The following CPM variants were observed in gnomAD, a reference collection of about 807,000 sequenced individuals.
CPM encodes the protein renal carboxypeptidase.
Under a neutral mutation model 46.4 loss-of-function variants are expected in CPM, and 35 were observed. The ratio of observed to expected loss-of-function variants is 0.75; its 90% CI spans 0.58 to 1.00. CPM has a LOEUF of 1.00. Among genes scored for constraint, CPM ranks in the 50% least tolerant of loss-of-function variants. The pLI is 0.00. For missense variants in CPM, 422 were observed against 530.4 expected (o/e 0.80, Z 2.01); for synonymous variants, 195 against 195.3 (o/e 1.00, Z 0.01).
intron 3 of CPM, among the ~76,000 whole-genome samples, chr12:68,884,163 C>T (rs1022238642): frequency 3.3e-5 from 5 of 149,268 alleles, no homozygotes; most frequent in African/African-American, 7.4e-5. Context: ...CAAGGGACCT[C>T]GATCAATAGA....
intron 1 of CPM, among the ~76,000 whole-genome samples, chr12:68,954,601 A>T (rs1367123025): frequency 6.6e-6 from 1 of 151,760 alleles, no homozygotes; most frequent in Non-Finnish European, 1.5e-5. Context: ...TTTAACTCCC[A>T]TCTATGTGCC....
intron 6 of CPM, among the ~76,000 whole-genome samples, chr12:68,867,835 G>T (rs1885522009): frequency 1.3e-5 from 2 of 152,160 alleles, no homozygotes; most frequent in Non-Finnish European, 2.9e-5. Flanking sequence ...ACTTTCAAAG[G>T]GTTTGTTTTA....
At chr12:68,918,149 T>C (rs1887885898) in intron 2 of CPM, among the ~76,000 whole-genome samples, 2 of 152,328 alleles carry the variant, frequency 1.3e-5, no homozygotes, top group South Asian at 2.1e-4. Context: ...TTTTGACATC[T>C]GTGACATCAC....
At chr12:68,948,052 G>A (rs1208416340) in intron 1 of CPM, among the ~76,000 whole-genome samples, 2 of 152,096 alleles carry the variant, frequency 1.3e-5, no homozygotes, top group Non-Finnish European at 2.9e-5. Flanking sequence ...GCCAAGATAG[G>A]CTTTTATCTA....
chr12:68,857,669 G>T (rs1164064803), intron 8 of CPM, among the ~76,000 whole-genome samples: 1 of 152,056 alleles, frequency 6.6e-6, no homozygotes, highest in East Asian at 1.9e-4. Context: ...CCACTCATTG[G>T]TATGTATTTT....
chr12:68,936,434 A>T (rs1888673431), upstream of CPM, among the ~76,000 whole-genome samples: 1 of 152,068 alleles, frequency 6.6e-6, no homozygotes, highest in South Asian at 2.1e-4. Context: ...CCCAGGCTGG[A>T]GTGCAGTGGC....
At position 68,854,490 on chromosome 12, in the gene CPM, C is replaced by A. The variant is rs1884871543; in HGVS notation, c.*1947G>T. Reference sequence around the variant, plus strand: ...GGAGCAAAGAGAAAGGGTCCCTAACCCCAGACTGCCTGCGAAGAGGTGAAA... The same window carrying A: ...GGAGCAAAGAGAAAGGGTCCCTAACACCAGACTGCCTGCGAAGAGGTGAAA... On this transcript the variant is annotated 3_prime_UTR_variant, in exon 9 of 9. Coordinates refer to ENST00000551568, the MANE Select transcript of CPM (RefSeq NM_198320.5). 2 of 152,138 alleles carry A rather than the reference C, an allele frequency of 1.3e-5. No homozygotes were observed. Among genetic ancestry groups the A allele is most frequent in the African/African-American group, 2.4e-5 (1 of 41,404 alleles). 9.4% of individuals were successfully genotyped at this position (152,138 alleles called of 1,614,324 possible).
At chr12:68,905,156 C>T (rs1194817340) in intron 2 of CPM, among the ~76,000 whole-genome samples, 4 of 152,042 alleles carry the variant, frequency 2.6e-5, no homozygotes, top group South Asian at 4.1e-4. Flanking sequence ...GTGATCCACC[C>T]GCCTCAGCCT....
chr12:68,934,827 C>T (rs1417292084), upstream of CPM, among the ~76,000 whole-genome samples: 1 of 152,070 alleles, frequency 6.6e-6, no homozygotes, highest in Admixed American at 6.5e-5. Context: ...CTGTGCGAAG[C>T]GTTTATTACA....
At chr12:68,898,532 G>A (rs1355178411) in intron 2 of CPM, among the ~76,000 whole-genome samples, 1 of 152,152 alleles carries the variant, frequency 6.6e-6, no homozygotes, top group Non-Finnish European at 1.5e-5. Context: ...ACATTTGGTG[G>A]ATTAACAAAG....
rs73338440 is a variant in CPM, at chr12:68,888,415, C to T, written c.161-2526G>A. Among the ~76,000 whole-genome samples, 1,501 of 152,256 alleles carry T rather than the reference C, an allele frequency of 9.9e-3. 24 individuals are homozygous for T. Among genetic ancestry groups the T allele is most frequent in the African/African-American group, 0.034 (1,412 of 41,552 alleles). On this transcript the variant is annotated intron_variant, in intron 2 of 8. Coordinates refer to ENST00000551568, the MANE Select transcript of CPM (RefSeq NM_198320.5). Reference sequence around the variant, plus strand: ...AGATAAGAATCTTACCTTGAACAACCTCAGTGACACAGTCTGAGAATGAAA... The same window carrying T: ...AGATAAGAATCTTACCTTGAACAACTTCAGTGACACAGTCTGAGAATGAAA...
chr12:68,856,395 C>A lies in CPM; in HGVS notation c.*42G>T. The A allele has an allele frequency of 6.3e-7, 1 of 1,590,960 alleles. No individual in the cohort carries two copies. Among genetic ancestry groups the A allele is most frequent in the South Asian group, 1.2e-5 (1 of 85,904 alleles). Reference sequence around the variant, plus strand: ...TGCAGTAACCTGGAGTGAGCAATCCCTGATTCCAGGTGGTGATGTGGGTTG... The same window carrying A: ...TGCAGTAACCTGGAGTGAGCAATCCATGATTCCAGGTGGTGATGTGGGTTG... On this transcript the variant is annotated 3_prime_UTR_variant, in exon 9 of 9. Coordinates refer to ENST00000551568, the MANE Select transcript of CPM (RefSeq NM_198320.5).
At chr12:68,896,195 GC>G (rs770130381) in intron 2 of CPM, among the ~76,000 whole-genome samples, 6 of 152,064 alleles carry the variant, frequency 3.9e-5, no homozygotes, top group Non-Finnish European at 5.9e-5. Context: ...CCCCATCAAA[GC>G]GGCCAACCTC....
At chr12:68,928,053 G>A (rs1478317996) in intron 2 of CPM, among the ~76,000 whole-genome samples, 11 of 152,282 alleles carry the variant, frequency 7.2e-5, no homozygotes, top group South Asian at 2.1e-4. Context: ...AAAAGAGCCC[G>A]CATTGCCAAG....
At chr12:68,917,635 C>T (rs537303656) in intron 2 of CPM, among the ~76,000 whole-genome samples, 81 of 152,348 alleles carry the variant, frequency 5.3e-4, no homozygotes, top group African/African-American at 1.9e-3. Context: ...GAGCACTAAA[C>T]TCCCTGAAAT....
chr12:68,866,922 A>C lies in CPM; in HGVS notation c.914T>G (p.Ile305Ser). ...TAGGTGCACCTGCTTTATATATTCA[A>C]TTAATGAGGCTTTGTTATTATTCCA... ...SFWNNNKASL[I>S]EYIKQVHLGV... The change falls in exon 7 of 9, where the codon ATT (isoleucine) becomes AGT (serine). Residue 305 changes from isoleucine (I) to serine (S), a missense_variant. By Grantham distance (142) the Ile-to-Ser change is moderately radical (BLOSUM62 -2). Transcript: ENST00000551568. The C allele has an allele frequency of 1.9e-6, 3 of 1,613,932 alleles. No homozygotes were observed. The South Asian group carries it at 3.3e-5, about 18-fold the overall frequency.
Position 68,961,650 on chromosome 12 carries a change from G to A in CPM, c.-4+1519C>T, listed in dbSNP as rs562928601. Among the ~76,000 whole-genome samples, 37 of 151,954 alleles carry A rather than the reference G, an allele frequency of 2.4e-4. 1 individual carries two copies. The highest frequency in any genetic ancestry group is 7.7e-4 in the African/African-American group (32 of 41,434). On this transcript the variant is annotated intron_variant, in intron 1 of 8. Transcript: ENST00000546373. ...TTGAATGAGCCAGGCATGGTGGCTC[G>A]CACTTGTAATCCCAGCACTTTGGGA...
At chr12:68,928,109 G>A (rs11613460) in intron 2 of CPM, among the ~76,000 whole-genome samples, 18,143 of 152,250 alleles carry the variant, frequency 0.12, 1,112 homozygotes, top group Non-Finnish European at 0.13. Flanking sequence ...CATGCTACCT[G>A]ACTTCAAACT....
intron 3 of CPM, among the ~76,000 whole-genome samples, chr12:68,878,475 C>G (rs1303631004): frequency 6.6e-6 from 1 of 152,200 alleles, no homozygotes; most frequent in Non-Finnish European, 1.5e-5. Flanking sequence ...CCACCCACAT[C>G]GATAAACTGG....
Sources: allele counts gnomAD v4.1 joint callset (sites outside exome capture counted in the v4.1 genomes callset), GRCh38; gene constraint gnomAD v4.1.1; transcripts MANE v1.5; gene names NCBI Gene and HGNC (gene_info 2026-07-23, HGNC 2026-07-21).